Variants in EPHA6 observed in about 807,000 individuals in gnomAD.
The protein encoded by EPHA6 is EPH receptor A6, also known as ephrin type-A receptor 6.
EPHA6 carries 50 observed loss-of-function variants against 112.0 expected under a neutral mutation model. That is an observed-to-expected ratio of 0.45 (90% CI 0.36 to 0.56). The LOEUF (loss-of-function observed/expected upper bound fraction) is 0.56, where lower values mean the gene tolerates loss of function less well. Ranked by LOEUF, EPHA6 falls within the 20% of genes least tolerant of loss-of-function variation. EPHA6 has a pLI of 0.00. For missense variants in EPHA6, 1,280 were observed against 1,417.4 expected (o/e 0.90, Z 1.56); for synonymous variants, 529 against 490.7 (o/e 1.08, Z -1.03).
At chr3:97,352,715 G>C (rs1450457802) in intron 5 of EPHA6, among the ~76,000 whole-genome samples, 1 of 152,024 alleles carries the variant, frequency 6.6e-6, no homozygotes, top group Non-Finnish European at 1.5e-5. Flanking sequence ...AAGATAGCTA[G>C]GCCACGAGGC....
At chr3:97,260,412 T>C (rs2079463435) in intron 5 of EPHA6, among the ~76,000 whole-genome samples, 3 of 152,214 alleles carry the variant, frequency 2.0e-5, no homozygotes, top group South Asian at 2.1e-4. Context: ...AAGAAAGTTA[T>C]AGAATCATGC....
rs187928349 is a variant in EPHA6 at position 97,601,145 on chromosome 3, A to G, written c.2512+8408A>G. ...TCCCTAGATATCTTCATGTTTTATTATTACAGATTGTGCCATTTATTTTGG... is the reference window on the plus strand; with the variant it reads ...TCCCTAGATATCTTCATGTTTTATTGTTACAGATTGTGCCATTTATTTTGG... On this transcript the variant is annotated intron_variant, in intron 12 of 17. Coordinates refer to ENST00000389672, the MANE Select transcript of EPHA6 (RefSeq NM_001080448.3). Among the ~76,000 whole-genome samples the G allele has an allele frequency of 7.4e-4, 113 of 152,226 alleles. 1 individual carries two copies. Among genetic ancestry groups the G allele is most frequent in the Middle Eastern group, 6.8e-3 (2 of 294 alleles).
intron 14 of EPHA6, chr3:97,648,653 A>T (rs962656518): frequency 9.3e-7 from 1 of 1,076,450 alleles, no homozygotes; most frequent in Non-Finnish European, 1.1e-6. Flanking sequence ...TTTTAGTAAA[A>T]CATACTCAGA....
chr3:96,854,621 T>A (rs1414339353), intron 1 of EPHA6, among the ~76,000 whole-genome samples: 1 of 152,090 alleles, frequency 6.6e-6, no homozygotes, highest in Non-Finnish European at 1.5e-5. Flanking sequence ...TGTGTGTGTG[T>A]AAAAAAAGAA....
intron 2 of EPHA6, among the ~76,000 whole-genome samples, chr3:96,910,177 AGG>A (rs1344356436): frequency 1.3e-5 from 2 of 152,102 alleles, no homozygotes; most frequent in East Asian, 3.9e-4. Flanking sequence ...AAGACAAGAC[AGG>A]GCATTGTGTT....
chr3:96,922,093 C>A (rs1037455484), intron 2 of EPHA6, among the ~76,000 whole-genome samples: 2 of 151,780 alleles, frequency 1.3e-5, no homozygotes, highest in Non-Finnish European at 2.9e-5. Context: ...TTAAGAAAAG[C>A]CTTTTAAGAA....
chr3:97,303,958 T>C (rs1302693207), intron 5 of EPHA6, among the ~76,000 whole-genome samples: 1 of 152,026 alleles, frequency 6.6e-6, no homozygotes, highest in Admixed American at 6.6e-5. Flanking sequence ...GGCCCTTCAC[T>C]TCCCTTGTTA....
intron 3 of EPHA6, among the ~76,000 whole-genome samples, chr3:97,167,535 T>A (rs964950782): frequency 6.6e-6 from 1 of 152,178 alleles, no homozygotes; most frequent in African/African-American, 2.4e-5. Context: ...CAATCTAAGT[T>A]AATTAGAGAA....
Position 97,583,707 on chromosome 3 carries a change from C to T in EPHA6, c.2387-8905C>T, listed in dbSNP as rs114259663. Among the ~76,000 whole-genome samples the T allele has an allele frequency of 7.5e-3, 1,149 of 152,258 alleles. 10 individuals are homozygous for T. Among genetic ancestry groups the T allele is most frequent in the Middle Eastern group, 0.024 (7 of 294 alleles). ...ACTCAATATTATTCAGATGTCACTT[C>T]TTCATAAGTTGATCAACAGATTCAA... is the stretch of plus-strand genomic sequence containing the variant. On this transcript the variant is annotated intron_variant, in intron 11 of 17. Coordinates refer to ENST00000389672, the MANE Select transcript of EPHA6 (RefSeq NM_001080448.3).
intron 1 of EPHA6, among the ~76,000 whole-genome samples, chr3:96,820,053 A>G (rs1008197597): frequency 6.6e-6 from 1 of 152,098 alleles, no homozygotes; most frequent in East Asian, 1.9e-4. Context: ...CAGAGTGGGA[A>G]GAAGTGCGTA....
At chr3:97,306,189 G>A (rs2081310966) in intron 5 of EPHA6, among the ~76,000 whole-genome samples, 2 of 151,714 alleles carry the variant, frequency 1.3e-5, no homozygotes, top group South Asian at 2.1e-4. Flanking sequence ...CCTCTATCAT[G>A]TGTAGGAAGG....
chr3:97,471,955 T>C (rs960731016), intron 7 of EPHA6, among the ~76,000 whole-genome samples: 1 of 151,752 alleles, frequency 6.6e-6, no homozygotes, highest in Non-Finnish European at 1.5e-5. Flanking sequence ...TTCTTGCTTC[T>C]GGTGTCTTAT....
At chr3:97,668,242 T>C (rs998931965) in intron 14 of EPHA6, among the ~76,000 whole-genome samples, 1 of 152,190 alleles carries the variant, frequency 6.6e-6, no homozygotes, top group Non-Finnish European at 1.5e-5. Flanking sequence ...ATTAAATGAA[T>C]ATTAACAAAC....
chr3:97,705,010 C>A (rs1350025295), intron 14 of EPHA6, among the ~76,000 whole-genome samples: 1 of 152,062 alleles, frequency 6.6e-6, no homozygotes, highest in Non-Finnish European at 1.5e-5. Context: ...ATAAAAATAA[C>A]AAAACCAAAC....
chr3:97,592,660 G>C lies in EPHA6; in HGVS notation c.2435G>C (p.Arg812Thr), dbSNP rs1386139590. 3 of 1,613,532 alleles carry C rather than the reference G, an allele frequency of 1.9e-6. No homozygotes were observed. Among genetic ancestry groups the C allele is most frequent in the Non-Finnish European group, 8.5e-7 (1 of 1,179,750 alleles). ...GAGGCGTTTTGCCCCAGCTTCCTGA[G>C]GGCAGGGTTTTTAAATAGCATCCAG... The part of the protein sequence containing the change: ...GVEAFCPSFL[R>T]AGFLNSIQAP... The change falls in exon 12 of 18, where the codon AGG becomes ACG. Residue 812 changes from arginine to threonine, a missense_variant. This residue lies in a region of EPHA6 where 878 missense variants were observed against 999.7 expected (regional missense o/e 0.88). Coordinates refer to ENST00000389672, the MANE Select transcript of EPHA6 (RefSeq NM_001080448.3).
intron 3 of EPHA6, among the ~76,000 whole-genome samples, chr3:97,022,961 A>G (rs992055399): frequency 1.3e-5 from 2 of 152,166 alleles, no homozygotes; most frequent in Non-Finnish European, 2.9e-5. Context: ...TCCTTGCTTC[A>G]TCAAATAGGA....
At chr3:96,995,390 A>G (rs1166911207) in intron 3 of EPHA6, among the ~76,000 whole-genome samples, 1 of 152,148 alleles carries the variant, frequency 6.6e-6, no homozygotes, top group Non-Finnish European at 1.5e-5. Context: ...AGGTTCTCAC[A>G]CACTGAATAT....
At chr3:97,427,676 C>T (rs1475204976) in intron 6 of EPHA6, among the ~76,000 whole-genome samples, 1 of 151,300 alleles carries the variant, frequency 6.6e-6, no homozygotes, top group African/African-American at 2.4e-5. Flanking sequence ...CACATGTATC[C>T]TTAAAGTAAA....
chr3:97,257,481 A>C (rs961959201), intron 5 of EPHA6, among the ~76,000 whole-genome samples: 1 of 152,132 alleles, frequency 6.6e-6, no homozygotes, highest in South Asian at 2.1e-4. Context: ...TTAAAACAGT[A>C]ATGGTAGGCA....
Sources: allele counts gnomAD v4.1 joint callset (sites outside exome capture counted in the v4.1 genomes callset), GRCh38; gene constraint gnomAD v4.1.1; regional missense constraint gnomAD v4.1.1; transcripts MANE v1.5; gene names NCBI Gene and HGNC (gene_info 2026-07-23, HGNC 2026-07-21).